USP7: variants seen among roughly 807,000 people sequenced by gnomAD.
USP7 encodes the protein ubiquitin specific peptidase 7, also known as ubiquitin C-terminal hydrolase 7.
Under a neutral mutation model 162.9 loss-of-function variants are expected in USP7, and 9 were observed. The observed-to-expected ratio is 0.06, with a 90% CI of 0.03 to 0.10. USP7 has a LOEUF of 0.10. Among genes scored for constraint, USP7 ranks in the 10% least tolerant of loss-of-function variants. The pLI is 1.00. For missense variants in USP7, 715 were observed against 1,373.7 expected (o/e 0.52, Z 7.58); for synonymous variants, 562 against 475.9 (o/e 1.18, Z -2.35).
intron 1 of USP7, among the ~76,000 whole-genome samples, chr16:8,944,314 C>A (rs928917307): frequency 6.6e-6 from 1 of 151,924 alleles, no homozygotes. Context: ...AACAGCTGCC[C>A]GCCTGGAGTC....
At chr16:8,951,001 G>A (rs539991418) in intron 1 of USP7, among the ~76,000 whole-genome samples, 2 of 152,164 alleles carry the variant, frequency 1.3e-5, no homozygotes, top group Non-Finnish European at 2.9e-5. Context: ...CTGATCTGAT[G>A]CAACGTCCCA....
intron 1 of USP7, among the ~76,000 whole-genome samples, chr16:8,955,715 A>C (rs1260576376): frequency 2.0e-5 from 3 of 151,422 alleles, no homozygotes; most frequent in African/African-American, 4.9e-5. Flanking sequence ...AAAAAAAAAA[A>C]AAAAAAAAAA....
intron 1 of USP7, chr16:8,949,449 AAAGT>A (rs1480577508): frequency 2.0e-5 from 3 of 152,268 alleles, no homozygotes; most frequent in African/African-American, 7.2e-5. Context: ...GAAGAAAAGC[AAAGT>A]AACACAACAC....
intron 1 of USP7, among the ~76,000 whole-genome samples, chr16:8,955,021 C>G (rs913584162): frequency 6.6e-6 from 1 of 152,196 alleles, no homozygotes. Context: ...ACATTCTGCT[C>G]AGCTACCACG....
intron 25 of USP7, 22 bp downstream of exon 25, chr16:8,898,338 T>A: frequency 1.3e-6 from 2 of 1,554,794 alleles, no homozygotes; most frequent in Non-Finnish European, 1.8e-6. Context: ...AAATTAAAAT[T>A]CATAGTATTA....
At chr16:8,905,481 C>CT in intron 13 of USP7, 150 bp from the exon 14 acceptor site, 1 of 968,292 alleles carries the variant, frequency 1.0e-6, no homozygotes, top group Non-Finnish European at 1.6e-6. Context: ...GGCACACAAT[C>CT]TGACGGTGTG....
At chr16:8,911,904 T>C (rs72768283) in intron 10 of USP7, among the ~76,000 whole-genome samples, 2,617 of 152,302 alleles carry the variant, frequency 0.017, 31 homozygotes, top group Non-Finnish European at 0.029. Context: ...CTGGGAAGTC[T>C]GTGTTCCCAC....
chr16:8,899,945 G>C (rs2061747708), intron 21 of USP7, 188 bp from the exon 22 acceptor site: 1 of 682,706 alleles, frequency 1.5e-6, no homozygotes, highest in African/African-American at 1.8e-5. Flanking sequence ...TATGCATGGG[G>C]ATGCACTGAG....
At position 8,893,598 on chromosome 16, in the gene USP7, C is replaced by A. The variant is rs2061636041; in HGVS notation, c.*400G>T. On this transcript the variant is annotated 3_prime_UTR_variant, in exon 31 of 31. Transcript: ENST00000344836. ...ACTGAAGGAAATAGGTCAGACGAGC[C>A]TAAACACAAGACTTGCTAGCTGCAG... 5.1e-6 allele frequency: 1 copy of A among 195,790 alleles called. No individual in the cohort carries two copies. Among genetic ancestry groups the A allele is most frequent in the African/African-American group, 2.3e-5 (1 of 43,496 alleles). 12.1% of individuals were successfully genotyped at this position (195,790 alleles called of 1,614,324 possible).
In USP7 at chr16:8,959,033, G is replaced by C. The variant is rs146438179; in HGVS notation, c.79+4174C>G. Among the ~76,000 whole-genome samples the C allele has an allele frequency of 3.8e-3, 571 of 152,174 alleles. 2 individuals are homozygous for C. Among genetic ancestry groups the C allele is most frequent in the Middle Eastern group, 0.01 (3 of 294 alleles). On this transcript the variant is annotated intron_variant, in intron 1 of 30. Coordinates refer to ENST00000344836, the MANE Select transcript of USP7 (RefSeq NM_003470.3). ...TTCTAACATAGTGTCACATTTTCTT[G>C]GCTGCAAAAGCCCTACCACCAAGGC...
chr16:8,939,314 TG>T (rs35733519), intron 1 of USP7, among the ~76,000 whole-genome samples: 1 of 152,200 alleles, frequency 6.6e-6, no homozygotes, highest in African/African-American at 2.4e-5. Context: ...TCTGCATCTC[TG>T]GGATCTTGTC....
intron 1 of USP7, chr16:8,936,648 A>T (rs759312352): frequency 6.4e-7 from 1 of 1,553,018 alleles, no homozygotes; most frequent in Admixed American, 1.9e-5. Context: ...CTGCTGGGGG[A>T]TGGGGGAGGT....
At chr16:8,927,147 C>G (rs959014459) in intron 2 of USP7, among the ~76,000 whole-genome samples, 8 of 151,798 alleles carry the variant, frequency 5.3e-5, no homozygotes, top group African/African-American at 1.9e-4. Context: ...ATAGTGAAAC[C>G]CCGGCTCTAC....
chr16:8,921,268 C>T lies in USP7; in HGVS notation c.411G>A (p.Val137=). The change falls in exon 4 of 31, where the codon GTG becomes GTA. Residue 137 remains valine (V), a synonymous_variant. Transcript: ENST00000344836. ...CATCTCTGTAATTTATTATCTTCAGCACTGCTTGTGCATGGCAAGACCATG... is the reference window on the plus strand; with the variant it reads ...CATCTCTGTAATTTATTATCTTCAGTACTGCTTGTGCATGGCAAGACCATG... ...STSWSCHAQA[V]LKIINYRDDE... 6 of 1,614,074 alleles carry T rather than the reference C, an allele frequency of 3.7e-6. No individual in the cohort carries two copies. The highest frequency in any genetic ancestry group is 5.1e-6 in the Non-Finnish European group (6 of 1,180,010).
intron 1 of USP7, 82 bp downstream of exon 1, chr16:8,963,125 C>T (rs1900088183): frequency 8.0e-7 from 1 of 1,242,810 alleles, no homozygotes; most frequent in South Asian, 1.7e-5. Context: ...AGATGGCGAG[C>T]CCCTCGCGTG....
At chr16:8,931,872 T>C (rs542736935) in intron 1 of USP7, among the ~76,000 whole-genome samples, 3 of 152,336 alleles carry the variant, frequency 2.0e-5, no homozygotes, top group Non-Finnish European at 2.9e-5. Flanking sequence ...GGCCCCACGG[T>C]TGCCTACACA....
At chr16:8,955,704 CAAAAAAAAAAA>C (rs58029349) in intron 1 of USP7, among the ~76,000 whole-genome samples, 110 of 101,022 alleles carry the variant, frequency 1.1e-3, no homozygotes, top group Admixed American at 5.2e-3. Context: ...GATTCCATCT[CAAAAAAAAAAA>C]AAAAAAAAAA....
intron 14 of USP7, 23 bp downstream of exon 14, chr16:8,905,156 AAAGAACAG>A (rs1344578755): frequency 6.2e-7 from 1 of 1,606,540 alleles, no homozygotes; most frequent in African/African-American, 1.3e-5. Flanking sequence ...CCACCACAGT[AAAGAACAG>A]AACAAAAGTG....
intron 6 of USP7, 40 bp downstream of exon 6, chr16:8,918,991 G>A: frequency 6.3e-7 from 1 of 1,599,202 alleles, no homozygotes; most frequent in Non-Finnish European, 8.6e-7. Flanking sequence ...AGAAGAAAGG[G>A]TGAGCGGAAG....
Sources: gnomAD v4.1 joint callset for allele counts (sites outside exome capture counted in the v4.1 genomes callset) on GRCh38, gnomAD v4.1.1 for gene constraint, MANE v1.5 for transcripts, NCBI Gene and HGNC (gene_info 2026-07-23, HGNC 2026-07-21) for gene names.